KCNQ5: variants seen among roughly 807,000 people sequenced by gnomAD.
KCNQ5 encodes the protein potassium voltage-gated channel subfamily Q member 5, also known as potassium voltage-gated channel subfamily KQT member 5.
KCNQ5 carries 30 observed loss-of-function variants against 98.2 expected under a neutral mutation model. The ratio of observed to expected loss-of-function variants is 0.31; its 90% CI spans 0.23 to 0.41. The LOEUF (loss-of-function observed/expected upper bound fraction) is 0.41, where lower values mean the gene tolerates loss of function less well. Ranked by LOEUF, KCNQ5 falls within the 10% of genes least tolerant of loss-of-function variation. The probability of loss-of-function intolerance (pLI) is 1.00; values close to 1 mark genes in which losing one functional copy is unlikely to be tolerated. For missense variants in KCNQ5, 835 were observed against 1,182.5 expected, an observed-to-expected ratio of 0.71 and a Z score of 4.31; for synonymous variants, 458 against 449.4, an observed-to-expected ratio of 1.02 and a Z score of -0.24.
At chr6:72,778,541 A>G (rs1310495341) in intron 1 of KCNQ5, among the ~76,000 whole-genome samples, 2 of 31,906 alleles carry the variant, frequency 6.3e-5, no homozygotes, top group Non-Finnish European at 1.8e-4. Context: ...CCTGTCACAG[A>G]AAAAAAAAAA....
intron 1 of KCNQ5, among the ~76,000 whole-genome samples, chr6:72,941,332 CCTTCCTTCCTTT>C (rs1382466179): frequency 3.5e-4 from 15 of 42,628 alleles, no homozygotes; most frequent in Admixed American, 2.1e-3. Context: ...TTCCTTCCTT[CCTTCCTTCCTTT>C]CTTCCTTCCT....
Position 72,889,324 on chromosome 6 carries a change from TAGGACCTTGGAGCCTCGG to T in KCNQ5, c.399-114582_399-114565del, listed in dbSNP as rs558844395. Among the ~76,000 whole-genome samples, 120 of 152,194 alleles carry T rather than the reference TAGGACCTTGGAGCCTCGG, an allele frequency of 7.9e-4. No individual in the cohort carries two copies. In the East Asian group the frequency reaches 0.02, roughly 25 times the overall value. ...TGAGGCAGAGGGGAAGCAGATTAGA[TAGGACCTTGGAGCCTCGG>T]AAGCCACTGGGAAGCTTTGATCAGA... On this transcript the variant is annotated intron_variant, in intron 1 of 13. Coordinates refer to ENST00000370398, the MANE Select transcript of KCNQ5 (RefSeq NM_019842.4).
chr6:72,966,795 C>CT (rs1190699102), intron 1 of KCNQ5, among the ~76,000 whole-genome samples: 1 of 152,170 alleles, frequency 6.6e-6, no homozygotes, highest in African/African-American at 2.4e-5. Flanking sequence ...TCCATACAGA[C>CT]TGTGTTCAGG....
intron 1 of KCNQ5, among the ~76,000 whole-genome samples, chr6:72,777,976 G>A (rs754982098): frequency 1.3e-5 from 2 of 152,146 alleles, no homozygotes; most frequent in Non-Finnish European, 2.9e-5. Flanking sequence ...AAAATCAGTT[G>A]GCAGTAGGAT....
At chr6:72,835,075 T>C (rs1299975083) in intron 1 of KCNQ5, among the ~76,000 whole-genome samples, 1 of 152,150 alleles carries the variant, frequency 6.6e-6, no homozygotes, top group African/African-American at 2.4e-5. Context: ...TAACTTTTTT[T>C]TCTTTACAAG....
intron 1 of KCNQ5, among the ~76,000 whole-genome samples, chr6:72,661,430 C>G (rs1766518623): frequency 6.6e-6 from 1 of 152,066 alleles, no homozygotes; most frequent in South Asian, 2.1e-4. Flanking sequence ...CCTTGAGGTA[C>G]AGGAGGTACT....
chr6:72,771,345 G>C (rs1378055418), intron 1 of KCNQ5, among the ~76,000 whole-genome samples: 1 of 152,050 alleles, frequency 6.6e-6, no homozygotes, highest in Non-Finnish European at 1.5e-5. Context: ...TTTGAATAAA[G>C]GACTTGAAGA....
At chr6:72,906,590 C>T (rs914502519) in intron 1 of KCNQ5, among the ~76,000 whole-genome samples, 2 of 152,208 alleles carry the variant, frequency 1.3e-5, no homozygotes, top group African/African-American at 4.8e-5. Flanking sequence ...TTCCTCTAAC[C>T]CTGTATTTCA....
At chr6:73,099,543 C>A (rs564385106) in intron 5 of KCNQ5, among the ~76,000 whole-genome samples, 2 of 151,942 alleles carry the variant, frequency 1.3e-5, no homozygotes, top group African/African-American at 2.4e-5. Flanking sequence ...TTAGATCAGA[C>A]AGAATAGGTT....
intron 1 of KCNQ5, among the ~76,000 whole-genome samples, chr6:72,784,992 C>T (rs919871691): frequency 9.2e-5 from 14 of 152,194 alleles, no homozygotes; most frequent in African/African-American, 3.4e-4. Flanking sequence ...AGCTAAACAG[C>T]AGTTTAAAAA....
intron 1 of KCNQ5, among the ~76,000 whole-genome samples, chr6:72,733,371 G>A (rs1203024796): frequency 6.6e-6 from 1 of 152,180 alleles, no homozygotes; most frequent in African/African-American, 2.4e-5. Context: ...ATACTTATTG[G>A]ATTTAGCCAT....
intron 2 of KCNQ5, among the ~76,000 whole-genome samples, chr6:73,032,664 A>G (rs926129233): frequency 2.0e-5 from 3 of 152,332 alleles, no homozygotes; most frequent in African/African-American, 7.2e-5. Flanking sequence ...TTACAAAATC[A>G]TAACAGAATA....
At chr6:73,157,286 C>T (rs1777400304) in intron 10 of KCNQ5, among the ~76,000 whole-genome samples, 1 of 152,202 alleles carries the variant, frequency 6.6e-6, no homozygotes, top group African/African-American at 2.4e-5. Flanking sequence ...TCCCCAAATC[C>T]TCCTGGGAGG....
chr6:72,745,565 A>T (rs1014831808), intron 1 of KCNQ5, among the ~76,000 whole-genome samples: 1 of 152,196 alleles, frequency 6.6e-6, no homozygotes, highest in Non-Finnish European at 1.5e-5. Context: ...CTCAGTTTAT[A>T]TTTTTGTTTG....
At chr6:72,907,814 T>G (rs1779763464) in intron 1 of KCNQ5, among the ~76,000 whole-genome samples, 1 of 152,104 alleles carries the variant, frequency 6.6e-6, no homozygotes, top group Non-Finnish European at 1.5e-5. Context: ...CACTAAAGAC[T>G]TTTTATAAAA....
At chr6:72,714,005 G>A (rs763870126) in intron 1 of KCNQ5, among the ~76,000 whole-genome samples, 7 of 151,936 alleles carry the variant, frequency 4.6e-5, no homozygotes, top group African/African-American at 9.7e-5. Context: ...TTTCCCCTAC[G>A]TGCAAGATAA....
chr6:72,928,990 C>T (rs1257121746), intron 1 of KCNQ5, among the ~76,000 whole-genome samples: 4 of 152,096 alleles, frequency 2.6e-5, no homozygotes, highest in Non-Finnish European at 4.4e-5. Context: ...CTAAGGCTAG[C>T]TCCAATTCCT....
chr6:72,832,105 G>A (rs971762652), intron 1 of KCNQ5, among the ~76,000 whole-genome samples: 1 of 152,130 alleles, frequency 6.6e-6, no homozygotes, highest in African/African-American at 2.4e-5. Context: ...AGACAGAATT[G>A]GGATTTGGGA....
At chr6:73,177,403 G>A (rs1412718376) in intron 11 of KCNQ5, among the ~76,000 whole-genome samples, 1 of 152,162 alleles carries the variant, frequency 6.6e-6, no homozygotes, top group Non-Finnish European at 1.5e-5. Context: ...GAGTTCCTGA[G>A]GTGGATATGC....
Sources: gnomAD v4.1 joint callset for allele counts (sites outside exome capture counted in the v4.1 genomes callset) on GRCh38, gnomAD v4.1.1 for gene constraint, MANE v1.5 for transcripts, NCBI Gene and HGNC (gene_info 2026-07-23, HGNC 2026-07-21) for gene names.